TOP2A: variants seen among roughly 807,000 people sequenced by gnomAD.
TOP2A encodes the protein DNA topoisomerase 2-alpha.
A neutral mutation model predicts 187.2 loss-of-function variants in TOP2A; 68 were observed. That is an observed-to-expected ratio of 0.36 (90% confidence interval 0.30 to 0.44). The LOEUF is 0.44. Ranked by LOEUF, TOP2A falls within the 20% of genes least tolerant of loss-of-function variation. TOP2A has a pLI of 1.00. For missense variants in TOP2A, 1,196 were observed against 1,808.7 expected, an observed-to-expected ratio of 0.66 and a Z score of 6.14; for synonymous variants, 542 against 593.2, an observed-to-expected ratio of 0.91 and a Z score of 1.25.
intron 16 of TOP2A, among the ~76,000 whole-genome samples, chr17:40,405,565 C>T (rs1598615149): frequency 6.6e-6 from 1 of 151,950 alleles, no homozygotes; most frequent in Admixed American, 6.6e-5. Flanking sequence ...CGCCATTCTC[C>T]TGCCTCAGCC....
At chr17:40,391,977 G>A (rs76135118) in intron 32 of TOP2A, 91 bp downstream of exon 32, 26,776 of 1,347,116 alleles carry the variant, frequency 0.02, 303 homozygotes, top group Non-Finnish European at 0.024. Flanking sequence ...TCCAAAGGAA[G>A]TACTTGGATA....
rs1031013172 is a variant in TOP2A at position 40,416,153 on chromosome 17, G to A, written c.269-85C>T. 8 of 1,125,422 alleles carry A rather than the reference G, an allele frequency of 7.1e-6. No individual in the cohort carries two copies. The Admixed American group carries it at 1.7e-4, about 24-fold the overall frequency. The allele number at this position is 1,125,422 out of a possible 1,614,324, so 69.7% of individuals were successfully genotyped here. On this transcript the variant is annotated intron_variant, in intron 3 of 34. Transcript: ENST00000423485. ...CTCTAAGTAAGATATAGAAAAAAAAGTTCCCAAACAGCACAGGAGTGGCAT... is the reference window on the plus strand; with the variant it reads ...CTCTAAGTAAGATATAGAAAAAAAAATTCCCAAACAGCACAGGAGTGGCAT...
chr17:40,406,279 CT>C (rs904115748), intron 16 of TOP2A, 104 bp downstream of exon 16: 3,205 of 664,058 alleles, frequency 4.8e-3, no homozygotes, highest in South Asian at 6.9e-3. Flanking sequence ...ATAAAACATT[CT>C]TTTTTTTTTG....
At chr17:40,407,273 A>G (rs1460535006) in intron 13 of TOP2A, among the ~76,000 whole-genome samples, 1 of 152,222 alleles carries the variant, frequency 6.6e-6, no homozygotes, top group African/African-American at 2.4e-5. Context: ...TCAAACAAAC[A>G]AAGAATTGTT....
intron 3 of TOP2A, 96 bp downstream of exon 3, chr17:40,416,325 CT>C: frequency 2.2e-6 from 2 of 908,888 alleles, no homozygotes; most frequent in South Asian, 3.5e-5. Flanking sequence ...AGAAATGATA[CT>C]TTTTGTTTTT....
chr17:40,399,458 C>T (rs1316047184), intron 24 of TOP2A, among the ~76,000 whole-genome samples: 2 of 152,044 alleles, frequency 1.3e-5, no homozygotes, highest in Non-Finnish European at 2.9e-5. Flanking sequence ...AGATTACAGG[C>T]ATGCGCCACC....
intron 10 of TOP2A, chr17:40,409,236 G>C: frequency 3.6e-6 from 1 of 278,582 alleles, no homozygotes. Context: ...GCCAGGCATG[G>C]TGGTGGTGAA....
At chr17:40,410,261 G>A (rs951054851) in intron 10 of TOP2A, among the ~76,000 whole-genome samples, 1 of 152,156 alleles carries the variant, frequency 6.6e-6, no homozygotes, top group Non-Finnish European at 1.5e-5. Flanking sequence ...CAGGTGAAAA[G>A]GATGTATTTC....
rs570040048 is a variant in TOP2A, at chr17:40,400,394, C to T, written c.2815G>A (p.Val939Ile). ...GTGCCATTCAACATGGGTTCTAGAA[C>T]TTGTTCTTTGTATGTCTAAAGAAAG... ...RTWTQTYKEQVLEPMLNGTEK... is the reference protein window; with the variant it reads ...RTWTQTYKEQILEPMLNGTEK... The change falls in exon 23 of 35, where the codon GTT becomes ATT. Residue 939 changes from valine (V) to isoleucine (I), a missense_variant. Physicochemically the swap from Val to Ile is conservative, Grantham distance 29. Coordinates refer to ENST00000423485, the MANE Select transcript of TOP2A (RefSeq NM_001067.4). 1.9e-6 allele frequency: 3 copies of T among 1,613,384 alleles called. No homozygotes were observed. In the African/African-American group the frequency reaches 4.0e-5, roughly 22 times the overall value.
At chr17:40,417,022 G>A (rs745699811) in intron 1 of TOP2A, 127 bp from the exon 2 acceptor site, 1 of 826,040 alleles carries the variant, frequency 1.2e-6, no homozygotes, top group Non-Finnish European at 1.8e-6. Context: ...GGCAGTGGTG[G>A]AGTTGCCAGT....
intron 24 of TOP2A, chr17:40,399,343 C>T (rs1258303204): frequency 4.7e-6 from 1 of 213,876 alleles, no homozygotes; most frequent in East Asian, 8.0e-5. Context: ...ATGATCAAAT[C>T]ATTTTTTTTT....
At chr17:40,406,327 T>G in intron 16 of TOP2A, 57 bp downstream of exon 16, 1 of 1,268,308 alleles carries the variant, frequency 7.9e-7, no homozygotes, top group Non-Finnish European at 1.1e-6. Context: ...ATGTTTCAAC[T>G]GGCTAAAGTA....
Position 40,391,577 on chromosome 17 carries a change from A to G in TOP2A, c.4196T>C (p.Phe1399Ser), listed in dbSNP as rs2035022406. Residue 1399 changes from phenylalanine to serine, a missense_variant, in exon 33 of 35, where the codon TTC becomes TCC. Phe to Ser is a radical substitution (Grantham distance 155). Coordinates refer to ENST00000423485, the MANE Select transcript of TOP2A (RefSeq NM_001067.4). ...PLSSSPPATH[F>S]PDETEITNPV... is the part of the protein sequence containing the mutation. ...GTTTGTAATTTCAGTTTCATCTGGG[A>G]AATGTGTAGCAGGAGGGCTTGAAGA... 2.5e-6 allele frequency: 4 copies of G among 1,612,872 alleles called. No individual in the cohort carries two copies. The highest frequency in any genetic ancestry group is 3.4e-6 in the Non-Finnish European group (4 of 1,179,438).
At chr17:40,398,240 G>C (rs1160360642) in intron 27 of TOP2A, among the ~76,000 whole-genome samples, 1 of 150,474 alleles carries the variant, frequency 6.6e-6, no homozygotes, top group African/African-American at 2.4e-5. Flanking sequence ...AGCCTCCTGA[G>C]TAACTGGTAT....
At chr17:40,408,398 T>G in intron 11 of TOP2A, 94 bp downstream of exon 11, 1 of 1,300,170 alleles carries the variant, frequency 7.7e-7, no homozygotes, top group Non-Finnish European at 1.0e-6. Context: ...ATAGTTATTC[T>G]GTCAAGGGAA....
At position 40,400,587 on chromosome 17, in the gene TOP2A, G is replaced by A. The variant is rs1339235328; in HGVS notation, c.2741C>T (p.Ala914Val). ...TTCAATGGTTGTAGAATTAAGAATA[G>A]CTACTTCACCACTAATCACATATTG... is the stretch of plus-strand genomic sequence containing the variant. ...PNQYVISGEV[A>V]ILNSTTIEIS... Residue 914 changes from alanine (A) to valine (V), a missense_variant, in exon 22 of 35, where the codon GCT becomes GTT. By Grantham distance (64) the Ala-to-Val change is moderately conservative. Transcript: ENST00000423485. The A allele has an allele frequency of 9.9e-6, 16 of 1,611,508 alleles. No homozygotes were observed. The highest frequency in any genetic ancestry group is 1.3e-5 in the Non-Finnish European group (15 of 1,178,956).
rs756563189 is a variant in TOP2A at position 40,417,759 on chromosome 17, C to A, written c.21+12G>T. 1 of 1,612,602 alleles carries A rather than the reference C, an allele frequency of 6.2e-7. No homozygotes were observed. ...CGGAGGCTCCACCGCCAGTCCCCCC[C>A]GCGAGCCGTACCTGCAATGGTGACA... On this transcript the variant is annotated intron_variant, in intron 1 of 34. Coordinates refer to ENST00000423485, the MANE Select transcript of TOP2A (RefSeq NM_001067.4).
chr17:40,412,186 G>T (rs1201815838), intron 7 of TOP2A, among the ~76,000 whole-genome samples: 3 of 152,004 alleles, frequency 2.0e-5, no homozygotes, highest in African/African-American at 7.3e-5. Flanking sequence ...ACACAGCGAG[G>T]TTATCAAGAA....
At chr17:40,409,950 TG>T in intron 10 of TOP2A, 1 of 178,662 alleles carries the variant, frequency 5.6e-6, no homozygotes, top group African/African-American at 2.4e-5. Context: ...TAGCCAGGCA[TG>T]GTGATGCATG....
Sources: allele counts gnomAD v4.1 joint callset (sites outside exome capture counted in the v4.1 genomes callset), GRCh38; gene constraint gnomAD v4.1.1; transcripts MANE v1.5; gene names NCBI Gene and HGNC (gene_info 2026-07-23, HGNC 2026-07-21).